PRH1: variants seen among roughly 807,000 people sequenced by gnomAD.
The protein encoded by PRH1 is salivary acidic proline-rich phosphoprotein 1/2.
Under a neutral mutation model 7.9 loss-of-function variants are expected in PRH1, and 7 were observed. The ratio of observed to expected loss-of-function variants is 0.89; its 90% CI spans 0.50 to 1.67. PRH1 has a LOEUF of 1.67. PRH1 is among the 40% of genes most tolerant of loss of function. The probability of loss-of-function intolerance (pLI) is 0.00; values close to 1 mark genes in which losing one functional copy is unlikely to be tolerated. For synonymous variants in PRH1, 45 were observed against 80.8 expected (o/e 0.56, Z 2.38); for missense variants, 109 against 223.6 (o/e 0.49, Z 3.27).
intron 1 of PRH1, among the ~76,000 whole-genome samples, chr12:11,032,946 ATCT>A (rs1942290995): frequency 6.6e-6 from 1 of 152,138 alleles, no homozygotes; most frequent in African/African-American, 2.4e-5. Context: ...AGTATGGCCT[ATCT>A]AGTACACTGT....
At chr12:11,062,906 A>G (rs960544579) in intron 1 of PRH1, among the ~76,000 whole-genome samples, 2 of 152,092 alleles carry the variant, frequency 1.3e-5, no homozygotes, top group African/African-American at 4.8e-5. Flanking sequence ...ATACGTTTGT[A>G]TAACTTCATT....
intron 1 of PRH1, among the ~76,000 whole-genome samples, chr12:11,005,429 A>G (rs1400804836): frequency 6.6e-6 from 1 of 152,176 alleles, no homozygotes; most frequent in African/African-American, 2.4e-5. Flanking sequence ...TAAATTGTTA[A>G]AAGGAACTTT....
chr12:10,997,735 A>C (rs1208399447), intron 1 of PRH1: 1 of 1,613,982 alleles, frequency 6.2e-7, no homozygotes, highest in Non-Finnish European at 8.5e-7. Flanking sequence ...GAGCAGCAAT[A>C]ATTTGATCAG....
At chr12:11,162,068 G>C (rs913988717) in intron 1 of PRH1, among the ~76,000 whole-genome samples, 8 of 152,284 alleles carry the variant, frequency 5.3e-5, no homozygotes, top group South Asian at 2.1e-4. Context: ...GAAAAGACTT[G>C]AAATACGTAC....
rs534858217 is a variant in PRH1, at chr12:11,102,019, C to T, written n.124-54831G>A. 2.2e-4 allele frequency among the ~76,000 whole-genome samples: 33 copies of T among 151,958 alleles called. No individual in the cohort carries two copies. The East Asian group carries it at 6.4e-3, about 29-fold the overall frequency. On this transcript the variant is annotated intron_variant and non_coding_transcript_variant, in intron 1 of 4. Transcript: ENST00000541977. The stretch of plus-strand genomic sequence containing the variant: ...GAAGGAAATCTTCAAGAACTACAAA[C>T]CACTGCTCAATGAAATAAAAGAGGA...
At chr12:11,169,751 T>C (rs1169092975) in intron 1 of PRH1, among the ~76,000 whole-genome samples, 3 of 152,196 alleles carry the variant, frequency 2.0e-5, no homozygotes, top group Non-Finnish European at 4.4e-5. Context: ...GAATTGATCA[T>C]TTATTTTACA....
chr12:10,884,048 C>A, intron 1 of PRH1, 106 bp downstream of exon 1: 1 of 1,350,820 alleles, frequency 7.4e-7, no homozygotes, highest in South Asian at 1.3e-5. Flanking sequence ...ACTCTGCAGT[C>A]CCATCTGTTT....
intron 1 of PRH1, among the ~76,000 whole-genome samples, chr12:11,053,942 T>C (rs937668323): frequency 2.0e-4 from 30 of 152,148 alleles, no homozygotes; most frequent in Non-Finnish European, 4.1e-4. Context: ...TGCCTCAGCC[T>C]CCCAAGTAGC....
intron 1 of PRH1, among the ~76,000 whole-genome samples, chr12:10,989,485 T>G (rs61912277): frequency 6.6e-6 from 1 of 152,172 alleles, no homozygotes; most frequent in Non-Finnish European, 1.5e-5. Context: ...TCATCAAATA[T>G]AGCTTTCAAA....
intron 1 of PRH1, among the ~76,000 whole-genome samples, chr12:11,101,832 C>G (rs1460664339): frequency 6.6e-6 from 1 of 152,108 alleles, no homozygotes. Context: ...AGCTGATAAG[C>G]AACTTCAGCA....
At chr12:10,914,131 C>T (rs1949939741) in intron 2 of PRH1, among the ~76,000 whole-genome samples, 1 of 152,116 alleles carries the variant, frequency 6.6e-6, no homozygotes, top group Admixed American at 6.5e-5. Context: ...AGTGGCAAAA[C>T]ATTCGATAGC....
At chr12:10,966,520 T>C (rs6488331) in intron 2 of PRH1, among the ~76,000 whole-genome samples, 111,515 of 152,136 alleles carry the variant, frequency 0.73, 43,165 homozygotes, top group East Asian at 0.95. Context: ...CAGTTTGTCC[T>C]TGCCTGATCC....
intron 1 of PRH1, among the ~76,000 whole-genome samples, chr12:11,170,420 G>A (rs554401980): frequency 6.6e-6 from 1 of 152,294 alleles, no homozygotes; most frequent in South Asian, 2.1e-4. Flanking sequence ...GGTGGCGGGC[G>A]CCTGTAGTCC....
chr12:11,086,108 C>CA (rs202017355), intron 1 of PRH1, among the ~76,000 whole-genome samples: 492 of 20,472 alleles, frequency 0.024, 32 homozygotes, highest in African/African-American at 0.035. Context: ...ACACATTCCC[C>CA]CCCCCACACA....
chr12:11,085,709 T>A lies in PRH1; in HGVS notation n.124-38521A>T, dbSNP rs1481869854. Among the ~76,000 whole-genome samples, 2 of 116,508 alleles carry A rather than the reference T, an allele frequency of 1.7e-5. 1 individual carries two copies. The highest frequency in any genetic ancestry group is 4.1e-5 in the Non-Finnish European group (2 of 49,148). The allele number at this position is 116,508 out of a possible 152,430, so 76.4% of individuals were successfully genotyped here. ...TATGTCCTTGTTATAAAATGTCTCATACTGATGTTGAAGTGAAACCTGAAT... is the reference window on the plus strand; with the variant it reads ...TATGTCCTTGTTATAAAATGTCTCAAACTGATGTTGAAGTGAAACCTGAAT... On this transcript the variant is annotated intron_variant and non_coding_transcript_variant, in intron 1 of 4. Transcript: ENST00000541977.
At chr12:11,068,361 A>T (rs1170083732) in intron 1 of PRH1, among the ~76,000 whole-genome samples, 1 of 152,216 alleles carries the variant, frequency 6.6e-6, no homozygotes, top group Non-Finnish European at 1.5e-5. Context: ...CCATCTTGAT[A>T]ATTCCTCTCA....
chr12:10,952,594 A>G (rs937576643), intron 2 of PRH1, among the ~76,000 whole-genome samples: 1 of 151,812 alleles, frequency 6.6e-6, no homozygotes, highest in African/African-American at 2.4e-5. Context: ...AAGAACAATG[A>G]AACACAATTG....
chr12:10,890,164 A>C (rs1949550166), intron 2 of PRH1, among the ~76,000 whole-genome samples: 1 of 152,206 alleles, frequency 6.6e-6, no homozygotes, highest in Admixed American at 6.5e-5. Context: ...TGGAGGGTGA[A>C]GGCACTCATG....
chr12:11,039,447 T>G (rs1373960226), intron 1 of PRH1, among the ~76,000 whole-genome samples: 3 of 152,262 alleles, frequency 2.0e-5, no homozygotes. Context: ...GATAAAATTT[T>G]CCACATCGTT....
Sources: allele counts gnomAD v4.1 joint callset (sites outside exome capture counted in the v4.1 genomes callset), GRCh38; gene constraint gnomAD v4.1.1; transcripts MANE v1.5; gene names NCBI Gene and HGNC (gene_info 2026-07-23, HGNC 2026-07-21).